TMEM67: variants seen among roughly 807,000 people sequenced by gnomAD.
The protein encoded by TMEM67 is meckelin.
Under a neutral mutation model 136.6 loss-of-function variants are expected in TMEM67, and 124 were observed. That is an observed-to-expected ratio of 0.91 (90% CI 0.78 to 1.05). The LOEUF is 1.05. Ranked by LOEUF, TMEM67 falls within the 50% of genes least tolerant of loss-of-function variation. The probability of loss-of-function intolerance (pLI) is 0.00; values close to 1 mark genes in which losing one functional copy is unlikely to be tolerated. For synonymous variants in TMEM67, 364 were observed against 390.5 expected, an observed-to-expected ratio of 0.93 and a Z score of 0.80; for missense variants, 1,107 against 1,178.4, an observed-to-expected ratio of 0.94 and a Z score of 0.89.
Position 93,809,766 on chromosome 8 carries a change from C to T in TMEM67, c.2662-19C>T. 1 of 1,354,992 alleles carries T rather than the reference C, an allele frequency of 7.4e-7. No individual in the cohort carries two copies. Among genetic ancestry groups the T allele is most frequent in the Non-Finnish European group, 1.1e-6 (1 of 945,864 alleles). The allele number at this position is 1,354,992 out of a possible 1,614,324, so 83.9% of individuals were successfully genotyped here. On this transcript the variant is annotated intron_variant, in intron 25 of 27. Coordinates refer to ENST00000453321, the MANE Select transcript of TMEM67 (RefSeq NM_153704.6). ...TTTCACTACTGTTTGTGAAATGATG[C>T]TGTCTTTTTCTTTATTAGGTTCATA...
chr8:93,794,617 C>G (rs186702791), intron 16 of TMEM67, among the ~76,000 whole-genome samples: 117 of 152,292 alleles, frequency 7.7e-4, no homozygotes, highest in African/African-American at 2.8e-3. Context: ...CTTTCTGATT[C>G]CAAAGCCAGT....
At chr8:93,805,451 G>A (rs971050203) in intron 23 of TMEM67, among the ~76,000 whole-genome samples, 3 of 152,024 alleles carry the variant, frequency 2.0e-5, no homozygotes, top group African/African-American at 7.2e-5. Context: ...GGGCATGGTC[G>A]CGGGCGCCTG....
chr8:93,799,719 A>C lies in TMEM67; in HGVS notation c.2202A>C (p.Ala734=). The change falls in exon 21 of 28, where the codon GCA becomes GCC. Residue 734 remains alanine (A), a synonymous_variant. Coordinates refer to ENST00000453321, the MANE Select transcript of TMEM67 (RefSeq NM_153704.6). ...CTTATAGCTGCATTTTGAGATATGCAGTGTCTGCTGCTCTTTGGCTAGCCA... is the reference window on the plus strand; with the variant it reads ...CTTATAGCTGCATTTTGAGATATGCCGTGTCTGCTGCTCTTTGGCTAGCCA... The part of the protein sequence containing the change: ...IAPYSCILRY[A]VSAALWLAIG... 6.2e-7 allele frequency: 1 copy of C among 1,613,898 alleles called. No homozygotes were observed. Among genetic ancestry groups the C allele is most frequent in the African/African-American group, 1.3e-5 (1 of 75,024 alleles).
chr8:93,771,535 A>C, intron 6 of TMEM67, among the ~76,000 whole-genome samples: 1 of 152,236 alleles, frequency 6.6e-6, no homozygotes, highest in East Asian at 1.9e-4. Flanking sequence ...GTATCTCCAG[A>C]GAATATTTAG....
Position 93,817,648 on chromosome 8 carries a change from A to G in TMEM67, c.*1196A>G, listed in dbSNP as rs1304876952. 2 of 152,258 alleles carry G rather than the reference A, an allele frequency of 1.3e-5. No individual in the cohort carries two copies. Among genetic ancestry groups the G allele is most frequent in the Admixed American group, 6.5e-5 (1 of 15,284 alleles). The allele number at this position is 152,258 out of a possible 1,614,324, so 9.4% of individuals were successfully genotyped here. On this transcript the variant is annotated 3_prime_UTR_variant, in exon 28 of 28. Coordinates refer to ENST00000453321, the MANE Select transcript of TMEM67 (RefSeq NM_153704.6). Reference sequence around the variant, plus strand: ...TATTTATATTTTCTCAGATGAAAATATATACTAAAACATTTGGTATTTCTG... The same window carrying G: ...TATTTATATTTTCTCAGATGAAAATGTATACTAAAACATTTGGTATTTCTG...
chr8:93,757,913 C>T (rs533472729), intron 2 of TMEM67, among the ~76,000 whole-genome samples: 8 of 152,068 alleles, frequency 5.3e-5, no homozygotes, highest in South Asian at 2.1e-4. Flanking sequence ...TACACCACCA[C>T]GCCCAGCTAA....
chr8:93,829,872 T>G, the TMEM67 span, among the ~76,000 whole-genome samples: 1 of 152,196 alleles, frequency 6.6e-6, no homozygotes, highest in African/African-American at 2.4e-5. Flanking sequence ...AATAGAATCT[T>G]TCTCTGACCT....
chr8:93,819,365 A>G, downstream of TMEM67: 1 of 350,044 alleles, frequency 2.9e-6, no homozygotes, highest in Admixed American at 4.0e-5. Flanking sequence ...AAAGAAGACA[A>G]CACCCCTGTG....
chr8:93,780,526 T>C, intron 7 of TMEM67, 67 bp from the exon 8 acceptor site: 1 of 1,603,014 alleles, frequency 6.2e-7, no homozygotes, highest in East Asian at 2.2e-5. Flanking sequence ...AAGTAAAATT[T>C]TTATATCAAC....
chr8:93,755,079 TGATATCTCC>T lies in TMEM67; in HGVS notation c.167_175del (p.Asp56_Ser58del). 6.2e-7 allele frequency: 1 copy of T among 1,614,218 alleles called. No individual in the cohort carries two copies. Among genetic ancestry groups the T allele is most frequent in the East Asian group, 2.2e-5 (1 of 44,884 alleles). On this transcript the variant is annotated inframe_deletion, in exon 1 of 28. Transcript: ENST00000453321. ...AGAAGTGCGACAACAACCAGTACTTTGATATCTCCGCCCTCTCGTGTGTTCCTTGTGGAG... is the reference window on the plus strand; with the variant it reads ...AGAAGTGCGACAACAACCAGTACTTTGCCCTCTCGTGTGTTCCTTGTGGAG...
At chr8:93,796,078 C>A in intron 18 of TMEM67, 91 bp downstream of exon 18, 1 of 886,182 alleles carries the variant, frequency 1.1e-6, no homozygotes, top group Non-Finnish European at 1.9e-6. Context: ...AAATCTTTGG[C>A]GTGAAATTCA....
chr8:93,781,608 G>A (rs1236104797), intron 9 of TMEM67, 50 bp from the exon 10 acceptor site: 2 of 843,850 alleles, frequency 2.4e-6, no homozygotes, highest in African/African-American at 3.4e-5. Flanking sequence ...ATAGGATATT[G>A]TATTACTTTC....
chr8:93,764,514 A>G (rs796440572), intron 4 of TMEM67, among the ~76,000 whole-genome samples: 18 of 152,196 alleles, frequency 1.2e-4, no homozygotes, highest in African/African-American at 3.9e-4. Flanking sequence ...ACACACACAC[A>G]CACACACACA....
At chr8:93,757,313 C>T (rs1384393355) in intron 2 of TMEM67, among the ~76,000 whole-genome samples, 1 of 151,896 alleles carries the variant, frequency 6.6e-6, no homozygotes, top group East Asian at 1.9e-4. Context: ...ATATAATAAG[C>T]CCAATTTTGA....
In TMEM67 at chr8:93,815,294, T is replaced by C; in HGVS notation, c.2765-11T>C. Reference sequence around the variant, plus strand: ...AATTTCTAATTTATATTTTCTAAATTTTTTTAATAGATGAAGGTTATTCTT... The same window carrying C: ...AATTTCTAATTTATATTTTCTAAATCTTTTTAATAGATGAAGGTTATTCTT... On this transcript the variant is annotated splice_polypyrimidine_tract_variant and intron_variant, in intron 26 of 27. Coordinates refer to ENST00000453321, the MANE Select transcript of TMEM67 (RefSeq NM_153704.6). 6.7e-7 allele frequency: 1 copy of C among 1,500,236 alleles called. No individual in the cohort carries two copies. The highest frequency in any genetic ancestry group is 2.1e-5 in the Admixed American group (1 of 46,638). The allele number at this position is 1,500,236 out of a possible 1,614,324, so 92.9% of individuals were successfully genotyped here. A position where few individuals can be genotyped will look rare whatever the true frequency, so the allele number is the denominator to read the frequency against.
chr8:93,796,422 A>G (rs1452253123), intron 18 of TMEM67, among the ~76,000 whole-genome samples: 1 of 151,932 alleles, frequency 6.6e-6, no homozygotes, highest in Middle Eastern at 3.2e-3. Context: ...CCAATCCCCA[A>G]CTCAGTGTTC....
Position 93,755,819 on chromosome 8 carries a change from A to T in TMEM67, c.265A>T (p.Asn89Tyr), listed in dbSNP as rs1237174849. 6.3e-7 allele frequency: 1 copy of T among 1,584,744 alleles called. No individual in the cohort carries two copies. The highest frequency in any genetic ancestry group is 1.7e-5 in the Admixed American group (1 of 57,234). Residue 89 changes from asparagine to tyrosine, a missense_variant, in exon 2 of 28, where the codon AAT becomes TAT. Asn to Tyr is a moderately radical substitution (Grantham distance 143, BLOSUM62 -2). Around this residue, in one of 3 missense-constraint regions of TMEM67, gnomAD observed 178 missense variants for 159.2 expected, o/e 1.12. Coordinates refer to ENST00000453321, the MANE Select transcript of TMEM67 (RefSeq NM_153704.6). The part of the protein sequence containing the change: ...VCLPGFQMIS[N>Y]NGGPAIICKK... ...TCTACCAGGATTTCAGATGATCTCT[A>T]ATAATGGAGGACCTGCTATTATTTG...
intron 9 of TMEM67, among the ~76,000 whole-genome samples, 169 bp downstream of exon 9, chr8:93,781,151 C>G (rs147520612): frequency 1.1e-3 from 170 of 152,336 alleles, no homozygotes; most frequent in African/African-American, 3.8e-3. Flanking sequence ...GTTTAGCTAT[C>G]TTACTGAATA....
chr8:93,765,651 G>C lies in TMEM67; in HGVS notation c.651+5G>C. On this transcript the variant is annotated splice_donor_5th_base_variant and intron_variant, in intron 6 of 27. Transcript: ENST00000453321. The stretch of plus-strand genomic sequence containing the variant: ...GCTGCACGTTATGGAGAAGTTGTGA[G>C]TATGTTTCAATTTTTTTGTTCTGTT... 1.9e-6 allele frequency: 3 copies of C among 1,603,402 alleles called. No homozygotes were observed. Among genetic ancestry groups the C allele is most frequent in the Non-Finnish European group, 2.6e-6 (3 of 1,170,286 alleles).
Sources: allele counts gnomAD v4.1 joint callset (sites outside exome capture counted in the v4.1 genomes callset), GRCh38; gene constraint gnomAD v4.1.1; regional missense constraint gnomAD v4.1.1; transcripts MANE v1.5; gene names NCBI Gene and HGNC (gene_info 2026-07-23, HGNC 2026-07-21).